TMEM9: variants seen among roughly 807,000 people sequenced by gnomAD.
TMEM9 encodes the protein proton-transporting V-type ATPase complex assembly regulator TMEM9.
TMEM9 carries 13 observed loss-of-function variants against 22.8 expected under a neutral mutation model. The observed-to-expected ratio is 0.57, with a 90% CI of 0.37 to 0.91. The LOEUF (loss-of-function observed/expected upper bound fraction) is 0.91, where lower values mean the gene tolerates loss of function less well. Ranked by LOEUF, TMEM9 falls within the 40% of genes least tolerant of loss-of-function variation. The pLI is 0.01. For synonymous variants in TMEM9, 88 were observed against 93.0 expected (o/e 0.95, Z 0.31); for missense variants, 182 against 238.1 (o/e 0.76, Z 1.55).
At chr1:201,164,772 A>G (rs975691638) in intron 1 of TMEM9, among the ~76,000 whole-genome samples, 2 of 152,104 alleles carry the variant, frequency 1.3e-5, no homozygotes, top group African/African-American at 4.8e-5. Flanking sequence ...GATGCTGCCA[A>G]TGACCTCAGC....
At chr1:201,153,216 G>T (rs1461921954) in intron 1 of TMEM9, among the ~76,000 whole-genome samples, 1 of 152,090 alleles carries the variant, frequency 6.6e-6, no homozygotes, top group South Asian at 2.1e-4. Context: ...TTTTTTTACC[G>T]TTAAGAACTT....
At chr1:201,167,803 G>C (rs1279994795) in intron 1 of TMEM9, among the ~76,000 whole-genome samples, 1 of 152,150 alleles carries the variant, frequency 6.6e-6, no homozygotes, top group African/African-American at 2.4e-5. Context: ...CTCCCCTACT[G>C]CCATAAGTTT....
intron 4 of TMEM9, among the ~76,000 whole-genome samples, chr1:201,140,233 C>T (rs964927477): frequency 6.6e-6 from 1 of 152,248 alleles, no homozygotes; most frequent in Non-Finnish European, 1.5e-5. Context: ...GCAGGGTGAG[C>T]ACTTTGAAGA....
upstream of TMEM9, among the ~76,000 whole-genome samples, chr1:201,156,777 T>G (rs1195231078): frequency 1.3e-5 from 2 of 152,210 alleles, no homozygotes; most frequent in Non-Finnish European, 2.9e-5. Context: ...TTCATTAAAT[T>G]TAATTCCATA....
chr1:201,141,584 C>A (rs1298904820), intron 4 of TMEM9, among the ~76,000 whole-genome samples: 1 of 152,100 alleles, frequency 6.6e-6, no homozygotes, highest in East Asian at 1.9e-4. Context: ...GCTTTTAGAA[C>A]CTCAGGTGAG....
Position 201,135,805 on chromosome 1 carries a change from G to A in TMEM9, c.410C>T (p.Ser137Phe). ...HNEEENEDAR[S>F]MAAAAASLGG... ...GAGGGATGCAGCAGCTGCTGCCATAGAGCGAGCATCCTGTAGTGGGAAGAA... is the reference window on the plus strand; with the variant it reads ...GAGGGATGCAGCAGCTGCTGCCATAAAGCGAGCATCCTGTAGTGGGAAGAA... The change falls in exon 5 of 5, where the codon TCT becomes TTT. Residue 137 changes from serine (S) to phenylalanine (F), a missense_variant. Ser to Phe is a radical substitution (Grantham distance 155). Coordinates refer to ENST00000367330, the MANE Select transcript of TMEM9 (RefSeq NM_001288565.2). 6.2e-7 allele frequency: 1 copy of A among 1,608,272 alleles called. No individual in the cohort carries two copies. The highest frequency in any genetic ancestry group is 1.1e-5 in the South Asian group (1 of 90,088).
In TMEM9 at chr1:201,146,843, C is replaced by G; in HGVS notation, c.164G>C (p.Cys55Ser). 4 of 1,614,092 alleles carry G rather than the reference C, an allele frequency of 2.5e-6. No individual in the cohort carries two copies. The highest frequency in any genetic ancestry group is 2.5e-6 in the Non-Finnish European group (3 of 1,179,982). Residue 55 changes from cysteine to serine, a missense_variant, in exon 3 of 5, where the codon TGC (cysteine) becomes TCC (serine). Coordinates refer to ENST00000367330, the MANE Select transcript of TMEM9 (RefSeq NM_001288565.2). ...TGGCATGGGCTCCACCACGTGCAGGCAGTTGCTACAACAGAGAGAGACAGG... is the reference window on the plus strand; with the variant it reads ...TGGCATGGGCTCCACCACGTGCAGGGAGTTGCTACAACAGAGAGAGACAGG... ...NQNVSQKDCN[C>S]LHVVEPMPVP...
chr1:201,144,663 T>G (rs573947796), intron 3 of TMEM9: 2 of 152,390 alleles, frequency 1.3e-5, no homozygotes, highest in South Asian at 4.1e-4. Flanking sequence ...TGTTTCTCAA[T>G]GTGGGTGCTC....
chr1:201,152,887 T>C (rs1467156697), intron 1 of TMEM9, among the ~76,000 whole-genome samples: 6 of 152,216 alleles, frequency 3.9e-5, no homozygotes, highest in Non-Finnish European at 8.8e-5. Flanking sequence ...TGTCAGTCTA[T>C]AAAATCAAAG....
intron 1 of TMEM9, among the ~76,000 whole-genome samples, chr1:201,166,610 G>A (rs1666085383): frequency 6.6e-6 from 1 of 152,080 alleles, no homozygotes; most frequent in African/African-American, 2.4e-5. Context: ...TGACCCGCCT[G>A]CGTTAGTCTC....
chr1:201,147,136 C>T (rs2102258759), intron 2 of TMEM9, among the ~76,000 whole-genome samples: 1 of 152,292 alleles, frequency 6.6e-6, no homozygotes, highest in African/African-American at 2.4e-5. Context: ...AGCCGCCTTC[C>T]TCATCTCATG....
intron 1 of TMEM9, among the ~76,000 whole-genome samples, chr1:201,160,061 T>G (rs1665903289): frequency 1.3e-5 from 2 of 152,232 alleles, no homozygotes; most frequent in Admixed American, 1.3e-4. Flanking sequence ...GTTTCAGTGT[T>G]CTTAACTTCA....
intron 1 of TMEM9, chr1:201,153,650 G>C (rs1665609113): frequency 8.7e-7 from 1 of 1,148,588 alleles, no homozygotes; most frequent in African/African-American, 1.5e-5. Context: ...CCAGTGCTCT[G>C]TGCCCCACCC....
intron 1 of TMEM9, among the ~76,000 whole-genome samples, chr1:201,160,566 G>A (rs1665915040): frequency 6.6e-6 from 1 of 151,840 alleles, no homozygotes; most frequent in Admixed American, 6.6e-5. Context: ...TTCAGCCTAG[G>A]CAACAAGAGT....
intron 4 of TMEM9, among the ~76,000 whole-genome samples, chr1:201,140,631 A>C (rs555073179): frequency 6.6e-6 from 1 of 152,188 alleles, no homozygotes; most frequent in South Asian, 2.1e-4. Context: ...GAAGGAACCA[A>C]GGGGTCCCTA....
intron 1 of TMEM9, 122 bp downstream of exon 1, chr1:201,153,736 A>C: frequency 6.4e-7 from 1 of 1,557,252 alleles, no homozygotes; most frequent in Non-Finnish European, 8.7e-7. Context: ...TAAAAGAAGT[A>C]TGGCCCATAG....
intron 4 of TMEM9, among the ~76,000 whole-genome samples, chr1:201,139,119 C>G (rs1207834944): frequency 2.6e-5 from 4 of 152,202 alleles, no homozygotes; most frequent in Non-Finnish European, 5.9e-5. Context: ...CTTCAGTCTG[C>G]CCAGAAGCAC....
chr1:201,161,219 A>G (rs1465290733), intron 1 of TMEM9, among the ~76,000 whole-genome samples: 1 of 152,130 alleles, frequency 6.6e-6, no homozygotes, highest in East Asian at 1.9e-4. Context: ...TTCTGCCTTC[A>G]GTCAGTTGCA....
upstream of TMEM9, among the ~76,000 whole-genome samples, chr1:201,159,420 T>C (rs990732254): frequency 6.6e-6 from 1 of 152,152 alleles, no homozygotes; most frequent in African/African-American, 2.4e-5. Context: ...TACCCTTTTC[T>C]AGCTGGGCAA....
Sources: gnomAD v4.1 joint callset for allele counts (sites outside exome capture counted in the v4.1 genomes callset) on GRCh38, gnomAD v4.1.1 for gene constraint, MANE v1.5 for transcripts, NCBI Gene and HGNC (gene_info 2026-07-23, HGNC 2026-07-21) for gene names.